The following RFFL variants were observed in gnomAD, a reference collection of about 807,000 sequenced individuals.
RFFL encodes ring finger and FYVE like domain containing E3 ubiquitin protein ligase, also known as E3 ubiquitin-protein ligase rififylin.
Under a neutral mutation model 40.4 loss-of-function variants are expected in RFFL, and 16 were observed. The observed-to-expected ratio is 0.40, with a 90% CI of 0.27 to 0.60. RFFL has a LOEUF of 0.60. RFFL is among the 20% of genes least tolerant of loss of function. The pLI, the probability that RFFL is intolerant of heterozygous loss-of-function variation, is 0.47. For synonymous variants in RFFL, 154 were observed against 167.9 expected, an observed-to-expected ratio of 0.92 and a Z score of 0.64; for missense variants, 367 against 451.7, an observed-to-expected ratio of 0.81 and a Z score of 1.70.
intron 1 of RFFL, among the ~76,000 whole-genome samples, chr17:35,045,025 C>T (rs1418999904): frequency 6.6e-6 from 1 of 152,124 alleles, no homozygotes; most frequent in Non-Finnish European, 1.5e-5. Context: ...GTGTGAGCCA[C>T]CATGCCTGGC....
At chr17:35,076,731 A>C (rs1246297819) in intron 1 of RFFL, 1 of 150,416 alleles carries the variant, frequency 6.6e-6, no homozygotes, top group Admixed American at 6.7e-5. Flanking sequence ...TAGTAACAGA[A>C]GCCAGATGAT....
At chr17:35,046,809 C>T (rs2091202639) in intron 1 of RFFL, among the ~76,000 whole-genome samples, 1 of 152,226 alleles carries the variant, frequency 6.6e-6, no homozygotes, top group Admixed American at 6.5e-5. Context: ...CCCCTGGGGT[C>T]TGACCAATTA....
chr17:35,020,973 T>C (rs1368727320), intron 3 of RFFL, among the ~76,000 whole-genome samples: 2 of 152,182 alleles, frequency 1.3e-5, no homozygotes, highest in Non-Finnish European at 2.9e-5. Flanking sequence ...CTTGTGATGG[T>C]TACTAAGGAA....
At chr17:35,060,957 A>G (rs1206212910) in intron 1 of RFFL, among the ~76,000 whole-genome samples, 1 of 152,196 alleles carries the variant, frequency 6.6e-6, no homozygotes, top group Non-Finnish European at 1.5e-5. Flanking sequence ...CTGAGGGATG[A>G]GTATCTTGCC....
chr17:35,029,083 C>G (rs931168446), intron 1 of RFFL, among the ~76,000 whole-genome samples: 2 of 152,016 alleles, frequency 1.3e-5, no homozygotes, highest in African/African-American at 4.8e-5. Context: ...TTCAGCACAT[C>G]AGAAACATTT....
chr17:35,026,046 T>C (rs577573199), intron 2 of RFFL, among the ~76,000 whole-genome samples: 1 of 152,362 alleles, frequency 6.6e-6, no homozygotes, highest in South Asian at 2.1e-4. Context: ...TGTCTCACTT[T>C]ATTCCCACAA....
intron 1 of RFFL, among the ~76,000 whole-genome samples, chr17:35,071,160 T>C (rs559644972): frequency 7.0e-6 from 1 of 143,676 alleles, no homozygotes; most frequent in East Asian, 2.1e-4. Flanking sequence ...ATTATGCCAC[T>C]GCACTCCAGC....
chr17:35,077,966 T>A (rs531565378), intron 1 of RFFL, among the ~76,000 whole-genome samples: 25 of 152,338 alleles, frequency 1.6e-4, no homozygotes, highest in Non-Finnish European at 3.2e-4. Context: ...AGTCTGAGCC[T>A]CTTGACTTTT....
intron 1 of RFFL, among the ~76,000 whole-genome samples, chr17:35,038,755 C>T (rs144943213): frequency 6.6e-6 from 1 of 152,302 alleles, no homozygotes; most frequent in African/African-American, 2.4e-5. Flanking sequence ...GGTAGGATTA[C>T]AGATGGAAGG....
At chr17:35,050,330 G>A (rs1234537797) in intron 1 of RFFL, among the ~76,000 whole-genome samples, 1 of 151,988 alleles carries the variant, frequency 6.6e-6, no homozygotes, top group Non-Finnish European at 1.5e-5. Flanking sequence ...GCCAAGAGAG[G>A]AGAATCACTT....
intron 1 of RFFL, among the ~76,000 whole-genome samples, chr17:35,041,004 A>T (rs1264918687): frequency 6.6e-6 from 1 of 151,642 alleles, no homozygotes; most frequent in Non-Finnish European, 1.5e-5. Flanking sequence ...TCAGGCTCCC[A>T]AAGCTCTGGG....
rs1459730179 is a variant in RFFL, at chr17:35,009,748, C to T, written c.*2220G>A. 2 of 152,332 alleles carry T rather than the reference C, an allele frequency of 1.3e-5. No homozygotes were observed. Among genetic ancestry groups the T allele is most frequent in the Non-Finnish European group, 2.9e-5 (2 of 68,022 alleles). The allele number at this position is 152,332 out of a possible 1,614,324, so 9.4% of individuals were successfully genotyped here. On this transcript the variant is annotated 3_prime_UTR_variant, in exon 7 of 7. Transcript: ENST00000394597. ...TCAGTATATTATTTTCGATTTGTGTCTAGGAGGGAAACTGAAGAGGAGGTA... is the reference window on the plus strand; with the variant it reads ...TCAGTATATTATTTTCGATTTGTGTTTAGGAGGGAAACTGAAGAGGAGGTA...
chr17:35,078,778 G>A (rs969862093), intron 1 of RFFL, among the ~76,000 whole-genome samples: 1 of 151,950 alleles, frequency 6.6e-6, no homozygotes, highest in Non-Finnish European at 1.5e-5. Flanking sequence ...TCAGGAGTTC[G>A]ACACCAGCCT....
upstream of RFFL, among the ~76,000 whole-genome samples, chr17:35,068,424 C>A (rs2091331406): frequency 1.3e-5 from 2 of 152,184 alleles, no homozygotes; most frequent in African/African-American, 4.8e-5. Context: ...ACCAGGCAGT[C>A]CCTTTAATCT....
rs992083846 is a variant in RFFL, at chr17:35,010,060, T to C, written c.*1908A>G. The C allele has an allele frequency of 1.3e-5, 2 of 152,482 alleles. No homozygotes were observed. The highest frequency in any genetic ancestry group is 1.9e-4 in the East Asian group (1 of 5,202). 9.4% of individuals were successfully genotyped at this position (152,482 alleles called of 1,614,324 possible). ...GGACTTTGTATAACATTGAGGTAAGTGGCCCAGTGTTCAGTTGACTAGTTT... is the reference window on the plus strand; with the variant it reads ...GGACTTTGTATAACATTGAGGTAAGCGGCCCAGTGTTCAGTTGACTAGTTT... On this transcript the variant is annotated 3_prime_UTR_variant, in exon 7 of 7. Transcript: ENST00000394597.
At chr17:35,087,020 G>C (rs183944958) in intron 1 of RFFL, among the ~76,000 whole-genome samples, 3 of 152,110 alleles carry the variant, frequency 2.0e-5, no homozygotes, top group Non-Finnish European at 2.9e-5. Context: ...TGTTTGTTTT[G>C]TCTTCTTAAA....
chr17:35,014,665 C>T, intron 6 of RFFL, 75 bp downstream of exon 6: 3 of 1,357,184 alleles, frequency 2.2e-6, no homozygotes, highest in Admixed American at 1.7e-5. Flanking sequence ...TCTTAGATTA[C>T]TAAAGGGATT....
At position 35,007,081 on chromosome 17, in the gene RFFL, C is replaced by T. The variant is rs890810386; in HGVS notation, c.*4887G>A. ...TCCATTTCTCTCTTCAGCCTCAGGC[C>T]AAACAAACAACCGGACAGGGCAGCA... On this transcript the variant is annotated 3_prime_UTR_variant, in exon 7 of 7. Coordinates refer to ENST00000394597, the MANE Select transcript of RFFL (RefSeq NM_001017368.2). 1 of 152,216 alleles carries T rather than the reference C, an allele frequency of 6.6e-6. No homozygotes were observed. The highest frequency in any genetic ancestry group is 2.4e-5 in the African/African-American group (1 of 41,448). 9.4% of individuals were successfully genotyped at this position (152,216 alleles called of 1,614,324 possible).
Position 35,039,915 on chromosome 17 carries a change from T to C in RFFL, c.-8-13354A>G, listed in dbSNP as rs550386969. On this transcript the variant is annotated intron_variant, in intron 1 of 6. Coordinates refer to ENST00000394597, the MANE Select transcript of RFFL (RefSeq NM_001017368.2). ...GTCTCAAACACCCAACCACAGGTGA[T>C]CTGCCCACCTCGGCCTCCCAAAGTG... 5.9e-5 allele frequency among the ~76,000 whole-genome samples: 9 copies of C among 152,188 alleles called. No homozygotes were observed. In the East Asian group the frequency reaches 1.6e-3, roughly 26 times the overall value.
Sources: allele counts gnomAD v4.1 joint callset (sites outside exome capture counted in the v4.1 genomes callset), GRCh38; gene constraint gnomAD v4.1.1; transcripts MANE v1.5; gene names NCBI Gene and HGNC (gene_info 2026-07-23, HGNC 2026-07-21).